Variants in GRIK2 observed in about 807,000 individuals in gnomAD.
GRIK2 encodes glutamate ionotropic receptor kainate type subunit 2.
Under a neutral mutation model 100.3 loss-of-function variants are expected in GRIK2, and 32 were observed. The ratio of observed to expected loss-of-function variants is 0.32; its 90% CI spans 0.24 to 0.43. The LOEUF (loss-of-function observed/expected upper bound fraction) is 0.43. Among genes scored for constraint, GRIK2 ranks in the 20% least tolerant of loss-of-function variants. GRIK2 has a pLI of 1.00. For synonymous variants in GRIK2, 417 were observed against 389.4 expected (o/e 1.07, Z -0.83); for missense variants, 843 against 1,114.9 (o/e 0.76, Z 3.47).
chr6:101,464,852 G>C (rs944097734), intron 2 of GRIK2, among the ~76,000 whole-genome samples: 4 of 152,016 alleles, frequency 2.6e-5, no homozygotes, highest in Non-Finnish European at 4.4e-5. Flanking sequence ...CTTTGTGGTG[G>C]ATTTTTCGAG....
chr6:101,711,406 A>G (rs560293894), intron 7 of GRIK2, among the ~76,000 whole-genome samples: 22 of 151,896 alleles, frequency 1.4e-4, no homozygotes, highest in African/African-American at 5.1e-4. Flanking sequence ...AAAATTCATG[A>G]TTTTAATATA....
intron 14 of GRIK2, among the ~76,000 whole-genome samples, chr6:102,015,368 A>G (rs1465047961): frequency 2.0e-5 from 3 of 152,074 alleles, no homozygotes; most frequent in Admixed American, 2.0e-4. Flanking sequence ...ACAGCATACC[A>G]TTGGATCTTG....
At chr6:101,569,881 G>T (rs1352012638) in intron 2 of GRIK2, among the ~76,000 whole-genome samples, 1 of 151,958 alleles carries the variant, frequency 6.6e-6, no homozygotes, top group East Asian at 1.9e-4. Flanking sequence ...AAATCTTTTT[G>T]AATTACTTTC....
chr6:101,769,794 G>A (rs761648184), intron 7 of GRIK2, among the ~76,000 whole-genome samples: 17 of 152,242 alleles, frequency 1.1e-4, no homozygotes, highest in Non-Finnish European at 2.2e-4. Context: ...GAATATGCAC[G>A]TCAAAGTAAA....
chr6:101,785,050 A>G (rs1209366991), intron 7 of GRIK2, among the ~76,000 whole-genome samples: 2 of 152,160 alleles, frequency 1.3e-5, no homozygotes, highest in Non-Finnish European at 2.9e-5. Context: ...CCTGATGATT[A>G]GTGATAATGA....
chr6:101,477,030 C>G (rs1022719205), intron 2 of GRIK2, among the ~76,000 whole-genome samples: 1 of 152,126 alleles, frequency 6.6e-6, no homozygotes, highest in Admixed American at 6.6e-5. Context: ...AAGTTTTGTG[C>G]ATTTTTAAAC....
chr6:101,976,351 C>T (rs930347818), intron 14 of GRIK2, among the ~76,000 whole-genome samples: 7 of 151,602 alleles, frequency 4.6e-5, no homozygotes, highest in African/African-American at 1.7e-4. Flanking sequence ...AGTGTGACAA[C>T]AGGATAACAA....
chr6:101,716,515 G>A (rs796253187), intron 7 of GRIK2, among the ~76,000 whole-genome samples: 26 of 147,560 alleles, frequency 1.8e-4, no homozygotes, highest in African/African-American at 6.5e-4. Flanking sequence ...GTTTCTTATG[G>A]ACTCCACTGA....
intron 7 of GRIK2, among the ~76,000 whole-genome samples, chr6:101,747,400 A>G (rs1014426611): frequency 1.3e-5 from 2 of 152,232 alleles, no homozygotes; most frequent in African/African-American, 4.8e-5. Context: ...CATGCTGCAG[A>G]AAGGCAATGG....
At chr6:101,717,507 A>G (rs536601220) in intron 7 of GRIK2, among the ~76,000 whole-genome samples, 2 of 151,936 alleles carry the variant, frequency 1.3e-5, no homozygotes, top group African/African-American at 4.8e-5. Context: ...TTCCTTGAGT[A>G]TGTTACAAGA....
chr6:101,969,651 A>C (rs1463737351), intron 14 of GRIK2, among the ~76,000 whole-genome samples: 2 of 152,194 alleles, frequency 1.3e-5, no homozygotes, highest in East Asian at 3.9e-4. Context: ...TTTTGTCTTC[A>C]TAGGATATAC....
At chr6:101,498,363 A>G (rs1232108561) in intron 2 of GRIK2, among the ~76,000 whole-genome samples, 1 of 152,152 alleles carries the variant, frequency 6.6e-6, no homozygotes, top group African/African-American at 2.4e-5. Context: ...CATGATTTAT[A>G]GTCCTTTGGG....
chr6:101,407,216 G>T (rs1775641314), intron 2 of GRIK2, among the ~76,000 whole-genome samples: 1 of 151,950 alleles, frequency 6.6e-6, no homozygotes, highest in African/African-American at 2.4e-5. Context: ...GTACATTCGG[G>T]TCCTTCCTTC....
intron 14 of GRIK2, among the ~76,000 whole-genome samples, chr6:101,945,994 T>C (rs1328322162): frequency 1.3e-5 from 2 of 151,518 alleles, no homozygotes; most frequent in African/African-American, 4.8e-5. Context: ...AATCATAATC[T>C]TTAATCATGT....
At chr6:101,990,792 A>G (rs1794310069) in intron 14 of GRIK2, among the ~76,000 whole-genome samples, 1 of 151,534 alleles carries the variant, frequency 6.6e-6, no homozygotes, top group African/African-American at 2.4e-5. Context: ...ATAATAAGTT[A>G]ATAGGATCAT....
intron 2 of GRIK2, among the ~76,000 whole-genome samples, chr6:101,619,796 G>C (rs1780060788): frequency 6.6e-6 from 1 of 151,778 alleles, no homozygotes; most frequent in Non-Finnish European, 1.5e-5. Flanking sequence ...TGTATATTTT[G>C]CCTGACTGAA....
chr6:102,012,949 T>A (rs1455464982), intron 14 of GRIK2, among the ~76,000 whole-genome samples: 1 of 152,162 alleles, frequency 6.6e-6, no homozygotes, highest in Admixed American at 6.5e-5. Flanking sequence ...TTTTAAATTT[T>A]GTTTTTTTCT....
chr6:101,573,940 C>T (rs1158351135), intron 2 of GRIK2, among the ~76,000 whole-genome samples: 1 of 151,932 alleles, frequency 6.6e-6, no homozygotes, highest in Non-Finnish European at 1.5e-5. Context: ...TAATATTAAA[C>T]TCTAACTAGA....
intron 2 of GRIK2, among the ~76,000 whole-genome samples, chr6:101,568,736 T>G (rs957210041): frequency 2.6e-5 from 4 of 152,112 alleles, no homozygotes; most frequent in Non-Finnish European, 5.9e-5. Context: ...TTATTAAAAT[T>G]TGCCTTCAAC....
Sources: gnomAD v4.1 joint callset for allele counts (sites outside exome capture counted in the v4.1 genomes callset) on GRCh38, gnomAD v4.1.1 for gene constraint, MANE v1.5 for transcripts, NCBI Gene and HGNC (gene_info 2026-07-23, HGNC 2026-07-21) for gene names.